PLXNA4: variants seen among roughly 807,000 people sequenced by gnomAD.
The protein encoded by PLXNA4 is plexin-A4.
PLXNA4 carries 44 observed loss-of-function variants against 191.8 expected under a neutral mutation model. The observed-to-expected ratio is 0.23, with a 90% CI of 0.18 to 0.29. PLXNA4 has a LOEUF of 0.29. Among genes scored for constraint, PLXNA4 ranks in the 10% least tolerant of loss-of-function variants. PLXNA4 has a pLI of 1.00. For synonymous variants in PLXNA4, 1,082 were observed against 1,009.5 expected, an observed-to-expected ratio of 1.07 and a Z score of -1.36; for missense variants, 1,800 against 2,488.8, an observed-to-expected ratio of 0.72 and a Z score of 5.89.
chr7:132,205,237 T>A (rs995715844), intron 10 of PLXNA4, among the ~76,000 whole-genome samples: 3 of 152,154 alleles, frequency 2.0e-5, no homozygotes, highest in African/African-American at 7.2e-5. Context: ...CACTTTAGAC[T>A]GGTGGCTCTT....
intron 4 of PLXNA4, among the ~76,000 whole-genome samples, chr7:132,277,263 A>G (rs1271635651): frequency 1.3e-5 from 2 of 152,118 alleles, no homozygotes; most frequent in African/African-American, 4.8e-5. Context: ...TCCAATTGGG[A>G]ATTTTTTTTA....
chr7:132,169,707 AC>A (rs1562894933), intron 21 of PLXNA4, among the ~76,000 whole-genome samples: 1 of 151,724 alleles, frequency 6.6e-6, no homozygotes, highest in Non-Finnish European at 1.5e-5. Flanking sequence ...AAAAGGGGGC[AC>A]CCCGGGACTC....
At chr7:132,435,985 G>A (rs1795456413) in intron 3 of PLXNA4, among the ~76,000 whole-genome samples, 1 of 152,224 alleles carries the variant, frequency 6.6e-6, no homozygotes, top group Admixed American at 6.5e-5. Context: ...AGAGGTTTCT[G>A]GCTTAGGGGC....
chr7:132,203,293 C>T (rs942079991), intron 11 of PLXNA4, 30 bp downstream of exon 11: 2 of 1,581,822 alleles, frequency 1.3e-6, no homozygotes, highest in Non-Finnish European at 1.7e-6. Flanking sequence ...CTTCCCCTCC[C>T]TCCCCTGCTA....
intron 21 of PLXNA4, among the ~76,000 whole-genome samples, chr7:132,170,808 G>C (rs1242956854): frequency 6.6e-6 from 1 of 152,256 alleles, no homozygotes; most frequent in Non-Finnish European, 1.5e-5. Flanking sequence ...GAAGCTGTAG[G>C]AAACGTGTGT....
chr7:132,410,943 C>A (rs937784379), intron 3 of PLXNA4, among the ~76,000 whole-genome samples: 4 of 152,170 alleles, frequency 2.6e-5, no homozygotes, highest in Admixed American at 2.6e-4. Flanking sequence ...TACAGCAAGC[C>A]CCAGTCCTCA....
chr7:132,456,926 T>A (rs985497883), intron 3 of PLXNA4, among the ~76,000 whole-genome samples: 1 of 152,198 alleles, frequency 6.6e-6, no homozygotes, highest in Admixed American at 6.5e-5. Context: ...GTATTTTTTT[T>A]AACCTCATCA....
intron 2 of PLXNA4, among the ~76,000 whole-genome samples, chr7:132,619,628 T>C (rs1177585072): frequency 4.6e-5 from 7 of 152,254 alleles, no homozygotes; most frequent in African/African-American, 1.4e-4. Context: ...ACTGTCTTAT[T>C]CATGGCTCCA....
intron 3 of PLXNA4, among the ~76,000 whole-genome samples, chr7:132,420,991 C>T (rs1794831005): frequency 6.6e-6 from 1 of 152,202 alleles, no homozygotes; most frequent in Non-Finnish European, 1.5e-5. Context: ...TCAGGTATGT[C>T]TTTATCAGCA....
intron 1 of PLXNA4, among the ~76,000 whole-genome samples, chr7:132,528,283 G>A (rs1015942038): frequency 4.1e-4 from 62 of 152,134 alleles, no homozygotes; most frequent in African/African-American, 1.5e-3. Flanking sequence ...TCCATGGTGC[G>A]GACTACATTG....
intron 3 of PLXNA4, among the ~76,000 whole-genome samples, chr7:132,453,710 T>C (rs974786875): frequency 1.3e-5 from 2 of 152,030 alleles, no homozygotes; most frequent in African/African-American, 4.8e-5. Flanking sequence ...CCCAGCTAAT[T>C]TTTGTATTTT....
chr7:132,310,427 T>C (rs961767189), intron 3 of PLXNA4, among the ~76,000 whole-genome samples: 1 of 152,216 alleles, frequency 6.6e-6, no homozygotes, highest in Non-Finnish European at 1.5e-5. Context: ...AGTTGCTTAA[T>C]AGATGTGTAG....
chr7:132,303,366 C>G (rs1801383572), intron 3 of PLXNA4, among the ~76,000 whole-genome samples: 1 of 149,002 alleles, frequency 6.7e-6, no homozygotes, highest in Admixed American at 6.7e-5. Context: ...GTCAAGAGAT[C>G]AAGACTATCC....
At chr7:132,361,444 G>GAGGAA (rs879844896) in intron 3 of PLXNA4, among the ~76,000 whole-genome samples, 4 of 152,154 alleles carry the variant, frequency 2.6e-5, no homozygotes, top group Admixed American at 2.6e-4. Flanking sequence ...GTAAAGGAAG[G>GAGGAA]AGGAAAGGGA....
At chr7:132,258,089 C>T (rs113162329) in intron 4 of PLXNA4, among the ~76,000 whole-genome samples, 22 of 152,246 alleles carry the variant, frequency 1.4e-4, no homozygotes, top group Non-Finnish European at 2.5e-4. Context: ...TGCAAGACTC[C>T]TGGCCTGGAA....
chr7:132,544,813 A>C (rs1800224822), intron 1 of PLXNA4, among the ~76,000 whole-genome samples: 1 of 152,250 alleles, frequency 6.6e-6, no homozygotes, highest in Non-Finnish European at 1.5e-5. Flanking sequence ...AAAAAATAAA[A>C]ATAGAAAACT....
intron 3 of PLXNA4, among the ~76,000 whole-genome samples, chr7:132,396,867 C>T (rs968208595): frequency 6.6e-6 from 1 of 152,248 alleles, no homozygotes; most frequent in African/African-American, 2.4e-5. Context: ...AGTGCACCCT[C>T]TCCAGAGTGA....
chr7:132,196,605 A>G (rs1351282934), intron 13 of PLXNA4, among the ~76,000 whole-genome samples: 1 of 152,232 alleles, frequency 6.6e-6, no homozygotes, highest in Non-Finnish European at 1.5e-5. Flanking sequence ...TTGAAAATAA[A>G]TATTTGTGAA....
At chr7:132,393,984 C>CTTT (rs768881083) in intron 3 of PLXNA4, among the ~76,000 whole-genome samples, 1 of 137,586 alleles carries the variant, frequency 7.3e-6, no homozygotes, top group Non-Finnish European at 1.6e-5. Context: ...ACCCCACCCT[C>CTTT]TTTTTTTTTT....
Sources: gnomAD v4.1 joint callset for allele counts (sites outside exome capture counted in the v4.1 genomes callset) on GRCh38, gnomAD v4.1.1 for gene constraint, MANE v1.5 for transcripts, NCBI Gene and HGNC (gene_info 2026-07-23, HGNC 2026-07-21) for gene names.